Variants in MBNL3 observed in about 807,000 individuals in gnomAD.
MBNL3 encodes the protein muscleblind like splicing regulator 3.
A neutral mutation model predicts 24.5 loss-of-function variants in MBNL3; 6 were observed. The observed-to-expected ratio is 0.25, with a 90% CI of 0.13 to 0.48. The LOEUF (loss-of-function observed/expected upper bound fraction) is 0.48. Among genes scored for constraint, MBNL3 ranks in the 20% least tolerant of loss-of-function variants. The pLI is 0.99. For missense variants in MBNL3, 230 were observed against 293.5 expected (o/e 0.78, Z 1.58); for synonymous variants, 100 against 101.7 (o/e 0.98, Z 0.10).
intron 1 of MBNL3, among the ~76,000 whole-genome samples, chrX:132,451,683 C>G (rs1236694407): frequency 9.0e-6 from 1 of 111,387 alleles, no homozygotes; most frequent in East Asian, 2.8e-4. Flanking sequence ...GTGAACAGTT[C>G]TGTCTCACTG....
intron 2 of MBNL3, among the ~76,000 whole-genome samples, chrX:132,410,794 C>T (rs1369142263): frequency 8.9e-6 from 1 of 112,145 alleles, no homozygotes; most frequent in Non-Finnish European, 1.9e-5. Context: ...TTGGCTAGTT[C>T]CTGCAAGCAT....
intron 1 of MBNL3, among the ~76,000 whole-genome samples, chrX:132,443,788 T>A (rs1945514965): frequency 9.0e-6 from 1 of 111,363 alleles, no homozygotes; most frequent in African/African-American, 3.3e-5. Flanking sequence ...AGAAGTTAAG[T>A]CATCAAGAGG....
intron 1 of MBNL3, among the ~76,000 whole-genome samples, chrX:132,468,280 T>C (rs1422349862): frequency 1.8e-5 from 2 of 112,322 alleles, no homozygotes; most frequent in African/African-American, 6.5e-5. Flanking sequence ...GAGATAGGCA[T>C]GTGACATTAT....
intron 2 of MBNL3, among the ~76,000 whole-genome samples, chrX:132,407,117 A>G (rs1055264406): frequency 8.9e-6 from 1 of 112,231 alleles, no homozygotes; most frequent in African/African-American, 3.2e-5. Flanking sequence ...TTCATTCAAC[A>G]CATGCTATCT....
intron 2 of MBNL3, among the ~76,000 whole-genome samples, chrX:132,410,071 G>A (rs775351734): frequency 9.8e-5 from 11 of 111,848 alleles, no homozygotes; most frequent in African/African-American, 3.6e-4. Flanking sequence ...GAAAATAGCC[G>A]ATGACATTTC....
intron 2 of MBNL3, among the ~76,000 whole-genome samples, chrX:132,436,483 CACA>C (rs1333100561): frequency 2.7e-5 from 3 of 111,865 alleles, no homozygotes; most frequent in East Asian, 5.6e-4. Context: ...AGAATTCTTA[CACA>C]ACAACAACAA....
chrX:132,481,722 C>A (rs989442809), intron 1 of MBNL3, among the ~76,000 whole-genome samples: 2 of 111,439 alleles, frequency 1.8e-5, no homozygotes, highest in Non-Finnish European at 3.8e-5. Context: ...AAATGCCAAG[C>A]CCTAGGACAC....
chrX:132,489,361 C>G (rs1948171468), upstream of MBNL3, among the ~76,000 whole-genome samples: 1 of 112,421 alleles, frequency 8.9e-6, no homozygotes, highest in South Asian at 3.6e-4. Flanking sequence ...CCGGCCCTAC[C>G]CGCTCCTCCC....
At chrX:132,435,569 G>C (rs1945073296) in intron 2 of MBNL3, among the ~76,000 whole-genome samples, 1 of 111,863 alleles carries the variant, frequency 8.9e-6, no homozygotes, top group Non-Finnish European at 1.9e-5. Context: ...GAATATACTG[G>C]TAACTTGGGC....
chrX:132,487,439 T>C (rs780612063), intron 1 of MBNL3, among the ~76,000 whole-genome samples: 1 of 112,612 alleles, frequency 8.9e-6, no homozygotes, highest in African/African-American at 3.2e-5. Context: ...TGTAAACAGT[T>C]TGGTTGTTTG....
At chrX:132,445,191 A>T (rs1292159865) in intron 1 of MBNL3, among the ~76,000 whole-genome samples, 1 of 111,748 alleles carries the variant, frequency 8.9e-6, no homozygotes, top group Non-Finnish European at 1.9e-5. Context: ...TTACTTCTGA[A>T]TTTCTTGTGG....
At chrX:132,443,987 G>C (rs5933157) in intron 1 of MBNL3, among the ~76,000 whole-genome samples, 1,717 of 4,849 alleles carry the variant, frequency 0.35, 398 homozygotes, top group African/African-American at 0.57. Context: ...TCCAGAGTCC[G>C]CCCCCCCCCC....
intron 7 of MBNL3, among the ~76,000 whole-genome samples, chrX:132,383,014 T>C (rs1366737463): frequency 8.9e-6 from 1 of 112,448 alleles, no homozygotes; most frequent in East Asian, 2.8e-4. Flanking sequence ...GTGAAATCTC[T>C]TGCAGGATGT....
chrX:132,480,264 G>A (rs778245858), intron 1 of MBNL3, among the ~76,000 whole-genome samples: 3 of 111,677 alleles, frequency 2.7e-5, no homozygotes, highest in African/African-American at 9.8e-5. Flanking sequence ...ATTATATTAC[G>A]AGATCAAAGT....
chrX:132,412,933 C>T lies in MBNL3; in HGVS notation c.178-6541G>A, dbSNP rs181148532. On this transcript the variant is annotated intron_variant, in intron 2 of 8. Transcript: ENST00000370853. ...ATTCCTCATGCAAAGTATTACTAGA[C>T]GCTGTCTTTAGAGCAGCTGATAGCT... Among the ~76,000 whole-genome samples the T allele has an allele frequency of 1.0e-3, 116 of 112,326 alleles. 1 individual carries two copies. The highest frequency in any genetic ancestry group is 9.2e-3 in the Middle Eastern group (2 of 217).
At chrX:132,415,680 G>A (rs1943225444) in intron 2 of MBNL3, among the ~76,000 whole-genome samples, 2 of 111,408 alleles carry the variant, frequency 1.8e-5, no homozygotes, top group Admixed American at 1.9e-4. Context: ...GTGAAATTAT[G>A]TTTCAATCCC....
intron 1 of MBNL3, among the ~76,000 whole-genome samples, chrX:132,456,528 G>A (rs1946379520): frequency 8.9e-6 from 1 of 111,832 alleles, no homozygotes; most frequent in African/African-American, 3.2e-5. Context: ...ACTGTGCTAG[G>A]CATTTTATAT....
chrX:132,449,892 T>C (rs1217387237), intron 1 of MBNL3, among the ~76,000 whole-genome samples: 1 of 109,717 alleles, frequency 9.1e-6, no homozygotes, highest in Non-Finnish European at 1.9e-5. Context: ...TAAAGGATTT[T>C]ATTTCTCCTT....
intron 8 of MBNL3, among the ~76,000 whole-genome samples, chrX:132,380,985 T>A (rs1934820581): frequency 9.0e-6 from 1 of 111,255 alleles, no homozygotes; most frequent in African/African-American, 3.3e-5. Flanking sequence ...CATAATCATA[T>A]CAGTCAAATC....
Sources: gnomAD v4.1 joint callset for allele counts (sites outside exome capture counted in the v4.1 genomes callset) on GRCh38, gnomAD v4.1.1 for gene constraint, MANE v1.5 for transcripts, NCBI Gene and HGNC (gene_info 2026-07-23, HGNC 2026-07-21) for gene names.